The following ASIC2 variants were observed in gnomAD, a reference collection of about 807,000 sequenced individuals.
ASIC2 encodes the protein acid-sensing ion channel 2.
ASIC2 carries 25 observed loss-of-function variants against 57.3 expected under a neutral mutation model. That is an observed-to-expected ratio of 0.44 (90% confidence interval 0.32 to 0.61). The LOEUF (loss-of-function observed/expected upper bound fraction) is 0.61. ASIC2 is among the 20% of genes least tolerant of loss of function. The pLI is 0.06. For missense variants in ASIC2, 641 were observed against 738.1 expected (o/e 0.87, Z 1.52); for synonymous variants, 319 against 307.5 (o/e 1.04, Z -0.39).
At chr17:33,285,661 T>C (rs1905127631) in intron 1 of ASIC2, among the ~76,000 whole-genome samples, 1 of 152,240 alleles carries the variant, frequency 6.6e-6, no homozygotes, top group Non-Finnish European at 1.5e-5. Flanking sequence ...TCCTTCCTCA[T>C]GCAGCTGCAG....
chr17:33,154,946 A>G (rs939389534), intron 1 of ASIC2, among the ~76,000 whole-genome samples: 4 of 152,166 alleles, frequency 2.6e-5, no homozygotes, highest in African/African-American at 9.7e-5. Context: ...TTGCATTTCT[A>G]ATTGCGCTGA....
At chr17:33,954,278 T>C (rs1017260798) in intron 1 of ASIC2, among the ~76,000 whole-genome samples, 12 of 152,208 alleles carry the variant, frequency 7.9e-5, no homozygotes, top group Admixed American at 1.3e-4. Flanking sequence ...TGCAGCAGAA[T>C]GTGGAAAGTT....
chr17:33,879,419 C>T (rs61903375), intron 1 of ASIC2, among the ~76,000 whole-genome samples: 1 of 152,068 alleles, frequency 6.6e-6, no homozygotes, highest in Non-Finnish European at 1.5e-5. Context: ...GAAGATCTTC[C>T]AAACAAATGG....
intron 1 of ASIC2, among the ~76,000 whole-genome samples, chr17:33,830,440 A>G (rs1221586219): frequency 6.6e-6 from 1 of 152,112 alleles, no homozygotes; most frequent in East Asian, 1.9e-4. Context: ...TTGGGCCTGA[A>G]AACAACTTGT....
intron 1 of ASIC2, among the ~76,000 whole-genome samples, chr17:33,473,446 C>A (rs749352173): frequency 3.9e-5 from 6 of 152,192 alleles, no homozygotes; most frequent in Non-Finnish European, 8.8e-5. Flanking sequence ...ACAAGGCACC[C>A]CCTGAGCCAA....
intron 1 of ASIC2, among the ~76,000 whole-genome samples, chr17:33,835,429 T>C (rs1913245074): frequency 6.6e-6 from 1 of 152,192 alleles, no homozygotes; most frequent in Admixed American, 6.5e-5. Flanking sequence ...TTGTGAACCC[T>C]AAGAAGTCTT....
At chr17:33,881,667 G>T (rs572941935) in intron 1 of ASIC2, among the ~76,000 whole-genome samples, 1 of 150,442 alleles carries the variant, frequency 6.6e-6, no homozygotes, top group Non-Finnish European at 1.5e-5. Context: ...AATCAATATC[G>T]TGAAAATGGC....
intron 1 of ASIC2, among the ~76,000 whole-genome samples, chr17:33,179,250 C>A (rs1270808010): frequency 6.6e-6 from 1 of 152,142 alleles, no homozygotes; most frequent in Admixed American, 6.5e-5. Flanking sequence ...ATACTTAATA[C>A]CCCCTGTGAG....
At chr17:34,039,733 T>A in intron 1 of ASIC2, 1 of 1,612,506 alleles carries the variant, frequency 6.2e-7, no homozygotes. Context: ...TACTTCTTTA[T>A]CACTCAAGGA....
At chr17:33,632,159 T>G (rs1906194222) in intron 1 of ASIC2, among the ~76,000 whole-genome samples, 1 of 152,186 alleles carries the variant, frequency 6.6e-6, no homozygotes, top group East Asian at 1.9e-4. Context: ...AAGATGATAA[T>G]ATTTACCACA....
chr17:33,356,635 T>A (rs1360202915), intron 1 of ASIC2, among the ~76,000 whole-genome samples: 1 of 152,116 alleles, frequency 6.6e-6, no homozygotes, highest in East Asian at 1.9e-4. Flanking sequence ...CGGAGCGTGT[T>A]AACCTCTTGT....
chr17:33,496,720 C>G (rs1283604817), intron 1 of ASIC2, among the ~76,000 whole-genome samples: 1 of 140,306 alleles, frequency 7.1e-6, no homozygotes, highest in Admixed American at 7.7e-5. Context: ...TGGGTTCAAG[C>G]AATTCTCATA....
At chr17:33,970,005 C>T (rs142208262) in intron 1 of ASIC2, among the ~76,000 whole-genome samples, 4 of 152,298 alleles carry the variant, frequency 2.6e-5, no homozygotes, top group African/African-American at 7.2e-5. Flanking sequence ...CCATTAGGAT[C>T]TAGCAATGCA....
At chr17:33,808,941 A>T (rs1479179956) in intron 1 of ASIC2, among the ~76,000 whole-genome samples, 1 of 152,216 alleles carries the variant, frequency 6.6e-6, no homozygotes, top group East Asian at 1.9e-4. Flanking sequence ...TTTAAAAAAT[A>T]ATTTTAATTT....
At chr17:33,672,643 G>A (rs1225591167) in intron 1 of ASIC2, among the ~76,000 whole-genome samples, 10 of 152,156 alleles carry the variant, frequency 6.6e-5, no homozygotes, top group Non-Finnish European at 4.4e-5. Context: ...ATTTTTAAGT[G>A]TCCCAAGAGA....
intron 1 of ASIC2, among the ~76,000 whole-genome samples, chr17:34,144,358 A>G (rs2107150): frequency 0.068 from 10,348 of 152,222 alleles, 919 homozygotes; most frequent in African/African-American, 0.21. Context: ...AGGCTCAACT[A>G]TAATAGCAGG....
intron 1 of ASIC2, among the ~76,000 whole-genome samples, chr17:33,746,466 G>A (rs1195690320): frequency 3.3e-5 from 5 of 149,954 alleles, no homozygotes; most frequent in Non-Finnish European, 5.9e-5. Flanking sequence ...GTGTATATGT[G>A]TATATGTATG....
At chr17:33,680,604 A>G (rs1907971100) in intron 1 of ASIC2, 1 of 152,168 alleles carries the variant, frequency 6.6e-6, no homozygotes, top group South Asian at 2.1e-4. Context: ...ATGAGGCCAC[A>G]CTGCCAAAGC....
chr17:34,132,307 G>C (rs766867211), intron 1 of ASIC2, among the ~76,000 whole-genome samples: 1 of 152,178 alleles, frequency 6.6e-6, no homozygotes, highest in Non-Finnish European at 1.5e-5. Context: ...GACCCAAAGA[G>C]TGAGCAGCAG....
Sources: allele counts gnomAD v4.1 joint callset (sites outside exome capture counted in the v4.1 genomes callset), GRCh38; gene constraint gnomAD v4.1.1; transcripts MANE v1.5; gene names NCBI Gene and HGNC (gene_info 2026-07-23, HGNC 2026-07-21).